The following EFCAB5 variants were observed in gnomAD, a reference collection of about 807,000 sequenced individuals.
EFCAB5 encodes the protein EF-hand calcium-binding domain-containing protein 5.
A neutral mutation model predicts 167.9 loss-of-function variants in EFCAB5; 131 were observed. The ratio of observed to expected loss-of-function variants is 0.78; its 90% CI spans 0.68 to 0.90. EFCAB5 has a LOEUF of 0.90. Ranked by LOEUF, EFCAB5 falls within the 40% of genes least tolerant of loss-of-function variation. The pLI is 0.00. For missense variants in EFCAB5, 1,663 were observed against 1,745.2 expected (o/e 0.95, Z 0.84); for synonymous variants, 574 against 602.8 (o/e 0.95, Z 0.70).
chr17:29,993,036 C>A lies in EFCAB5; in HGVS notation c.768-129C>A, dbSNP rs1267846609. 3 of 936,680 alleles carry A rather than the reference C, an allele frequency of 3.2e-6. No homozygotes were observed. In the Admixed American group the frequency reaches 9.5e-5, roughly 30 times the overall value. 58.0% of individuals were successfully genotyped at this position (936,680 alleles called of 1,614,324 possible). ...TTGTGGAAGAAGGGCTCACTACAGG[C>A]CTGAATCAAAGATTTTATGGAGAAA... On this transcript the variant is annotated intron_variant, in intron 4 of 22. Coordinates refer to ENST00000394835, the MANE Select transcript of EFCAB5 (RefSeq NM_198529.4).
chr17:29,935,565 A>G (rs1172192489), intron 1 of EFCAB5, among the ~76,000 whole-genome samples: 2 of 152,198 alleles, frequency 1.3e-5, no homozygotes, highest in Admixed American at 1.3e-4. Context: ...TCTCAAAAAA[A>G]CAGAAACTCT....
intron 4 of EFCAB5, among the ~76,000 whole-genome samples, chr17:29,971,689 A>T (rs954181066): frequency 1.3e-5 from 2 of 152,214 alleles, no homozygotes. Flanking sequence ...CCTACTATTC[A>T]ATTACCTTAG....
chr17:30,099,248 G>A (rs1019967043), intron 22 of EFCAB5, among the ~76,000 whole-genome samples: 1 of 151,892 alleles, frequency 6.6e-6, no homozygotes, highest in East Asian at 1.9e-4. Context: ...GATTGCTGTT[G>A]ACAGCCTGGG....
chr17:30,010,819 A>T (rs986594466), intron 7 of EFCAB5, among the ~76,000 whole-genome samples: 1 of 151,864 alleles, frequency 6.6e-6, no homozygotes, highest in Non-Finnish European at 1.5e-5. Context: ...ATTAGATCCC[A>T]TTTGTCTATT....
intron 7 of EFCAB5, among the ~76,000 whole-genome samples, chr17:30,025,323 A>C (rs1040267123): frequency 1.3e-5 from 2 of 152,158 alleles, no homozygotes; most frequent in African/African-American, 4.8e-5. Flanking sequence ...AATTTACAAG[A>C]AAAAAACAAA....
intron 4 of EFCAB5, among the ~76,000 whole-genome samples, chr17:29,990,434 G>C (rs1439809146): frequency 6.6e-6 from 1 of 152,052 alleles, no homozygotes; most frequent in African/African-American, 2.4e-5. Flanking sequence ...TGTGCTATAT[G>C]CTCTCCTGGC....
intron 1 of EFCAB5, among the ~76,000 whole-genome samples, chr17:29,934,768 G>T (rs931517967): frequency 6.6e-6 from 1 of 152,122 alleles, no homozygotes; most frequent in Non-Finnish European, 1.5e-5. Flanking sequence ...GTGGGACCAT[G>T]GGCATACTAG....
chr17:29,969,452 C>T (rs1041099048), intron 4 of EFCAB5, 85 bp downstream of exon 4: 2 of 1,196,372 alleles, frequency 1.7e-6, no homozygotes, highest in Non-Finnish European at 2.3e-6. Context: ...ATGGACAGGA[C>T]TTAAAACAAG....
chr17:29,941,044 AAAAAG>A (rs1481112743), upstream of EFCAB5, among the ~76,000 whole-genome samples: 1 of 152,152 alleles, frequency 6.6e-6, no homozygotes, highest in Non-Finnish European at 1.5e-5. Context: ...TGTAAAAAAA[AAAAAG>A]AAAAGAAAGA....
chr17:30,007,602 T>G (rs2068798313), intron 7 of EFCAB5, among the ~76,000 whole-genome samples: 1 of 152,232 alleles, frequency 6.6e-6, no homozygotes, highest in Admixed American at 6.5e-5. Context: ...TATTCTTCTG[T>G]GTGGTTAGAG....
At chr17:30,079,288 T>G (rs1016690230) in intron 15 of EFCAB5, among the ~76,000 whole-genome samples, 1 of 152,108 alleles carries the variant, frequency 6.6e-6, no homozygotes, top group African/African-American at 2.4e-5. Context: ...GTCTGTGGTA[T>G]CCTAAGAGAA....
At chr17:29,932,376 CCT>C (rs890523736) in intron 1 of EFCAB5, among the ~76,000 whole-genome samples, 4 of 150,972 alleles carry the variant, frequency 2.6e-5, no homozygotes, top group African/African-American at 9.8e-5. Flanking sequence ...GTCTCGAACT[CCT>C]GTCCTCAAGT....
At chr17:30,079,968 T>A in intron 15 of EFCAB5, 104 bp from the exon 16 acceptor site, 1 of 1,373,766 alleles carries the variant, frequency 7.3e-7, no homozygotes, top group South Asian at 1.5e-5. Flanking sequence ...TTCAGGAAAA[T>A]GAAACTACTG....
chr17:29,969,312 A>G lies in EFCAB5; in HGVS notation c.712A>G (p.Met238Val). The G allele has an allele frequency of 6.2e-7, 1 of 1,610,878 alleles. No homozygotes were observed. The highest frequency in any genetic ancestry group is 8.5e-7 in the Non-Finnish European group (1 of 1,178,906). Residue 238 changes from methionine to valine, a missense_variant, in exon 4 of 23, where the codon ATG becomes GTG. Physicochemically the swap from Met to Val is conservative, Grantham distance 21. Transcript: ENST00000394835. ...AGGAATGTCTGGTTACCAGAGGTTG[A>G]TGAAAGAAGTCACAGAAGACCTGAA... ...DPGMSGYQRL[M>V]KEVTEDLKIY...
At chr17:29,930,873 A>G (rs2067183410) in intron 1 of EFCAB5, among the ~76,000 whole-genome samples, 1 of 152,144 alleles carries the variant, frequency 6.6e-6, no homozygotes, top group Non-Finnish European at 1.5e-5. Context: ...AGTCCGAGGA[A>G]GCCGGTTGTG....
chr17:30,094,507 CAAAAAAAAAAA>C (rs57885339), intron 22 of EFCAB5, among the ~76,000 whole-genome samples: 23 of 40,714 alleles, frequency 5.6e-4, no homozygotes, highest in Middle Eastern at 0.014. Context: ...CTTGTCTCTC[CAAAAAAAAAAA>C]AAAAAAAAAA....
intron 8 of EFCAB5, among the ~76,000 whole-genome samples, chr17:30,035,087 T>C (rs1360400346): frequency 6.6e-6 from 1 of 152,226 alleles, no homozygotes; most frequent in African/African-American, 2.4e-5. Flanking sequence ...AAAGAACCGA[T>C]ATATTGCAAT....
intron 4 of EFCAB5, among the ~76,000 whole-genome samples, chr17:29,973,208 T>C (rs772636558): frequency 6.6e-6 from 1 of 152,134 alleles, no homozygotes; most frequent in Admixed American, 6.6e-5. Context: ...TACCCCACCC[T>C]GGAGGACTTT....
At chr17:30,008,142 T>A (rs537165086) in intron 7 of EFCAB5, among the ~76,000 whole-genome samples, 7 of 152,132 alleles carry the variant, frequency 4.6e-5, no homozygotes, top group African/African-American at 1.7e-4. Context: ...AAGCTAAACA[T>A]CTAATATAAA....
Sources: allele counts gnomAD v4.1 joint callset (sites outside exome capture counted in the v4.1 genomes callset), GRCh38; gene constraint gnomAD v4.1.1; transcripts MANE v1.5; gene names NCBI Gene and HGNC (gene_info 2026-07-23, HGNC 2026-07-21).